SPOCK3: variants seen among roughly 807,000 people sequenced by gnomAD.
SPOCK3 encodes the protein testican-3.
In SPOCK3, 30 loss-of-function variants were observed where a neutral mutation model predicts 56.6. That is an observed-to-expected ratio of 0.53 (90% CI 0.40 to 0.72). The LOEUF (loss-of-function observed/expected upper bound fraction) is 0.72. SPOCK3 is among the 30% of genes least tolerant of loss of function. The pLI, the probability that SPOCK3 is intolerant of heterozygous loss-of-function variation, is 0.00. For missense variants in SPOCK3, 527 were observed against 530.0 expected (o/e 0.99, Z 0.06); for synonymous variants, 196 against 183.3 (o/e 1.07, Z -0.56).
rs749616258 is a variant in SPOCK3 at position 167,234,072 on chromosome 4, G to A, written c.102C>T (p.Asp34=). 2 of 1,613,878 alleles carry A rather than the reference G, an allele frequency of 1.2e-6. No homozygotes were observed. The highest frequency in any genetic ancestry group is 1.7e-5 in the Admixed American group (1 of 60,004). The change falls in exon 2 of 11, where the codon GAC becomes GAT. Residue 34 remains aspartate (D), a synonymous_variant. Coordinates refer to ENST00000357545, the MANE Select transcript of SPOCK3 (RefSeq NM_001040159.2). ...GTTTATCATCCAGAAAATTACCGCC[G>A]TCCGACCGCCCCCCGGCTGCAGCCA... ...AAVAAAGGRS[D]GGNFLDDKQW...
In SPOCK3 at chr4:166,996,687, A is replaced by G. The variant is rs530487971; in HGVS notation, c.350+3662T>C. ...TGACAAAGATATCACCTGCTCTGAGACCAGTTCTTCACAGAAAAAGCCATT... is the reference window on the plus strand; with the variant it reads ...TGACAAAGATATCACCTGCTCTGAGGCCAGTTCTTCACAGAAAAAGCCATT... On this transcript the variant is annotated intron_variant, in intron 4 of 10. Coordinates refer to ENST00000357545, the MANE Select transcript of SPOCK3 (RefSeq NM_001040159.2). 2.6e-5 allele frequency among the ~76,000 whole-genome samples: 4 copies of G among 152,272 alleles called. No homozygotes were observed. In the East Asian group the frequency reaches 7.7e-4, roughly 29 times the overall value.
chr4:167,170,504 G>C (rs1448922391), intron 2 of SPOCK3, among the ~76,000 whole-genome samples: 2 of 152,070 alleles, frequency 1.3e-5, no homozygotes, highest in Non-Finnish European at 2.9e-5. Flanking sequence ...CACTAATCTA[G>C]ATACTTTACT....
intron 3 of SPOCK3, among the ~76,000 whole-genome samples, chr4:167,020,811 A>G (rs1751093851): frequency 6.6e-6 from 1 of 152,072 alleles, no homozygotes; most frequent in Non-Finnish European, 1.5e-5. Context: ...AAAAAAAAGA[A>G]GCTCACCTCT....
intron 2 of SPOCK3, among the ~76,000 whole-genome samples, chr4:167,105,388 T>A (rs1760015756): frequency 6.8e-6 from 1 of 146,730 alleles, no homozygotes; most frequent in Admixed American, 6.9e-5. Flanking sequence ...CAGTTTAAAA[T>A]AATCATTTAT....
At chr4:166,754,326 G>T in intron 8 of SPOCK3, 182 bp downstream of exon 8, 6 of 1,349,260 alleles carry the variant, frequency 4.4e-6, no homozygotes, top group Non-Finnish European at 5.7e-6. Context: ...TTTAGCATGT[G>T]TTGTATCTCT....
chr4:167,180,256 A>AGAG (rs985556965), intron 2 of SPOCK3, among the ~76,000 whole-genome samples: 3 of 152,190 alleles, frequency 2.0e-5, no homozygotes, highest in African/African-American at 7.2e-5. Context: ...CATAGACATC[A>AGAG]GAGGAGGAGG....
chr4:166,837,661 G>A (rs1319112854), intron 6 of SPOCK3, among the ~76,000 whole-genome samples: 2 of 152,186 alleles, frequency 1.3e-5, no homozygotes, highest in South Asian at 2.1e-4. Context: ...TTAGAATCAC[G>A]TTAGACAGTT....
intron 6 of SPOCK3, among the ~76,000 whole-genome samples, chr4:166,840,771 GTTTTTTTT>G (rs70955697): frequency 2.9e-5 from 2 of 68,194 alleles, no homozygotes; most frequent in Non-Finnish European, 2.7e-5. Context: ...AGAAGCAAAA[GTTTTTTTT>G]TTTTTTTTTT....
At chr4:167,005,856 A>G (rs996287900) in intron 3 of SPOCK3, among the ~76,000 whole-genome samples, 15 of 152,238 alleles carry the variant, frequency 9.9e-5, no homozygotes, top group Non-Finnish European at 4.4e-5. Flanking sequence ...TTATGATTTT[A>G]AGTCAATTTA....
intron 4 of SPOCK3, among the ~76,000 whole-genome samples, chr4:166,982,231 G>C (rs1746660579): frequency 6.6e-6 from 1 of 152,202 alleles, no homozygotes; most frequent in Non-Finnish European, 1.5e-5. Context: ...CCCCAGATGG[G>C]CTGCTGCCGC....
intron 7 of SPOCK3, among the ~76,000 whole-genome samples, chr4:166,778,627 T>C (rs922766392): frequency 6.6e-6 from 1 of 152,174 alleles, no homozygotes; most frequent in South Asian, 2.1e-4. Flanking sequence ...CTCTTCAAAC[T>C]GTCATTTTAA....
At chr4:167,004,048 T>C (rs1749216637) in intron 3 of SPOCK3, among the ~76,000 whole-genome samples, 1 of 152,192 alleles carries the variant, frequency 6.6e-6, no homozygotes, top group Non-Finnish European at 1.5e-5. Flanking sequence ...GCCTGATTCT[T>C]CCTAGTTTAT....
At chr4:166,941,842 G>C (rs1330502241) in intron 4 of SPOCK3, among the ~76,000 whole-genome samples, 1 of 152,166 alleles carries the variant, frequency 6.6e-6, no homozygotes, top group Non-Finnish European at 1.5e-5. Flanking sequence ...TGATGAGCCT[G>C]GATGTGAATC....
chr4:166,812,293 C>T (rs1297410360), intron 6 of SPOCK3, among the ~76,000 whole-genome samples: 1 of 151,850 alleles, frequency 6.6e-6, no homozygotes, highest in African/African-American at 2.4e-5. Context: ...ATTTGACTTA[C>T]TTTCAGCTAG....
chr4:166,905,653 G>A, intron 5 of SPOCK3, among the ~76,000 whole-genome samples: 1 of 151,622 alleles, frequency 6.6e-6, no homozygotes, highest in Non-Finnish European at 1.5e-5. Context: ...CAAAACCTAA[G>A]GCAAGAAATA....
Position 167,105,620 on chromosome 4 carries a change from CATTGAAATGTTAAATGGACTAA to C in SPOCK3, c.190-43105_190-43084del, listed in dbSNP as rs1166743443. ...GCAAGTCCTTATTTATCAATAATAA[CATTGAAATGTTAAATGGACTAA>C]ATTGAAATGTTAAATGGACTAAATT... On this transcript the variant is annotated intron_variant, in intron 2 of 10. Transcript: ENST00000357545. Among the ~76,000 whole-genome samples, 7 of 147,672 alleles carry C rather than the reference CATTGAAATGTTAAATGGACTAA, an allele frequency of 4.7e-5. No homozygotes were observed. In the East Asian group the frequency reaches 7.8e-4, roughly 17 times the overall value.
chr4:167,081,018 T>C (rs1046046661), intron 2 of SPOCK3, among the ~76,000 whole-genome samples: 1 of 151,664 alleles, frequency 6.6e-6, no homozygotes, highest in African/African-American at 2.4e-5. Flanking sequence ...GTAGCTGGAA[T>C]TACAGATGTC....
At chr4:167,198,469 A>G (rs902253717) in intron 2 of SPOCK3, among the ~76,000 whole-genome samples, 1 of 152,168 alleles carries the variant, frequency 6.6e-6, no homozygotes, top group African/African-American at 2.4e-5. Flanking sequence ...CTACGCAAAT[A>G]TGCCCACACA....
chr4:166,957,354 A>C (rs978985538), intron 4 of SPOCK3, among the ~76,000 whole-genome samples: 3 of 152,232 alleles, frequency 2.0e-5, no homozygotes, highest in Non-Finnish European at 4.4e-5. Context: ...CCCTGAACTC[A>C]TGCATTATTT....
Sources: allele counts gnomAD v4.1 joint callset (sites outside exome capture counted in the v4.1 genomes callset), GRCh38; gene constraint gnomAD v4.1.1; transcripts MANE v1.5; gene names NCBI Gene and HGNC (gene_info 2026-07-23, HGNC 2026-07-21).